The following FBN3 variants were observed in gnomAD, a reference collection of about 807,000 sequenced individuals.
FBN3 encodes the protein fibrillin 3.
In FBN3, 234 loss-of-function variants were observed where a neutral mutation model predicts 330.1. The observed-to-expected ratio is 0.71, with a 90% CI of 0.64 to 0.79. The LOEUF is 0.79. Ranked by LOEUF, FBN3 falls within the 30% of genes least tolerant of loss-of-function variation. The pLI, the probability that FBN3 is intolerant of heterozygous loss-of-function variation, is 0.00. For missense variants in FBN3, 3,606 were observed against 3,886.9 expected, an observed-to-expected ratio of 0.93 and a Z score of 1.92; for synonymous variants, 1,458 against 1,517.3, an observed-to-expected ratio of 0.96 and a Z score of 0.91.
chr19:8,074,410 C>T (rs2081592162), intron 61 of FBN3, among the ~76,000 whole-genome samples: 1 of 152,028 alleles, frequency 6.6e-6, no homozygotes, highest in Non-Finnish European at 1.5e-5. Context: ...GCAGGGATAG[C>T]CACATCACAA....
chr19:8,091,601 A>G lies in FBN3; in HGVS notation c.5906-11T>C, dbSNP rs369029724. 7.4e-6 allele frequency: 12 copies of G among 1,613,618 alleles called. No homozygotes were observed. The highest frequency in any genetic ancestry group is 2.2e-5 in the East Asian group (1 of 44,882). On this transcript the variant is annotated splice_polypyrimidine_tract_variant and intron_variant, in intron 47 of 63. Transcript: ENST00000600128. ...AGCACTCGTCGATATCTGGAAGGGC[A>G]GGGACATGAGCTGGGTGGGGGGCAA...
chr19:8,130,659 G>GAAAAGAAAAGAAAA (rs2083121374), intron 16 of FBN3, among the ~76,000 whole-genome samples: 1 of 37,262 alleles, frequency 2.7e-5, no homozygotes, highest in African/African-American at 1.4e-4. Flanking sequence ...GGAAAGGAAA[G>GAAAAGAAAAGAAAA]GAAAAGAAAA....
Position 8,146,103 on chromosome 19 carries a change from C to A in FBN3, c.349+24G>T, listed in dbSNP as rs751389565. On this transcript the variant is annotated intron_variant, in intron 4 of 63. Coordinates refer to ENST00000600128, the MANE Select transcript of FBN3 (RefSeq NM_032447.5). ...AACCCTGTGAACTTCTTCTCCCTCC[C>A]GCAAGAGGCCGCTTCCCGCTCACCT... The A allele has an allele frequency of 9.0e-6, 14 of 1,561,558 alleles. No individual in the cohort carries two copies. The South Asian group carries it at 1.1e-4, about 12-fold the overall frequency.
At chr19:8,134,643 T>A (rs2083235596) in intron 13 of FBN3, among the ~76,000 whole-genome samples, 1 of 151,932 alleles carries the variant, frequency 6.6e-6, no homozygotes, top group Admixed American at 6.6e-5. Context: ...CACAAAAAAA[T>A]AAATACATGG....
Position 8,124,011 on chromosome 19 carries a change from G to A in FBN3, c.2732-3C>T, listed in dbSNP as rs757023094. On this transcript the variant is annotated splice_region_variant and splice_polypyrimidine_tract_variant and intron_variant, in intron 22 of 63. Transcript: ENST00000600128. Reference sequence around the variant, plus strand: ...GAAACATGGTTCCAATCTCACATCTGCACGGGGGACAGTCACTGCGTCCCC... The same window carrying A: ...GAAACATGGTTCCAATCTCACATCTACACGGGGGACAGTCACTGCGTCCCC... 22 of 1,611,534 alleles carry A rather than the reference G, an allele frequency of 1.4e-5. No individual in the cohort carries two copies. Among genetic ancestry groups the A allele is most frequent in the East Asian group, 2.2e-5 (1 of 44,790 alleles).
At chr19:8,100,598 A>G (rs527777090) in intron 41 of FBN3, among the ~76,000 whole-genome samples, 2 of 152,326 alleles carry the variant, frequency 1.3e-5, no homozygotes, top group Non-Finnish European at 2.9e-5. Context: ...TCGGCCTCCC[A>G]AAGTGCTGGG....
At chr19:8,125,332 T>A (rs142057068) in intron 22 of FBN3, among the ~76,000 whole-genome samples, 3 of 152,096 alleles carry the variant, frequency 2.0e-5, no homozygotes, top group African/African-American at 7.2e-5. Flanking sequence ...AAAAATCAGT[T>A]GAACCCAGGA....
At chr19:8,073,385 G>T in intron 61 of FBN3, 88 bp from the exon 62 acceptor site, 1 of 1,096,120 alleles carries the variant, frequency 9.1e-7, no homozygotes, top group Non-Finnish European at 1.3e-6. Context: ...CTGGAATGCT[G>T]TATGTTCAGA....
chr19:8,140,793 C>T (rs1267430101), intron 8 of FBN3, among the ~76,000 whole-genome samples: 2 of 152,078 alleles, frequency 1.3e-5, no homozygotes, highest in Admixed American at 1.3e-4. Context: ...AATCCAAGGA[C>T]TGGTCTTTAG....
chr19:8,108,211 C>T lies in FBN3; in HGVS notation c.4646G>A (p.Gly1549Asp). The change falls in exon 37 of 64, where the codon GGT (glycine) becomes GAT (aspartate). Residue 1549 changes from glycine (G) to aspartate (D), a missense_variant. Transcript: ENST00000600128. ...TTEYRTLCPG[G>D]EGFQPNRITV... ...GATGCGGTTAGGCTGGAAGCCCTCA[C>T]CACCCGGGCACAGGGTTCTGTACTC... 2 of 1,612,986 alleles carry T rather than the reference C, an allele frequency of 1.2e-6. No individual in the cohort carries two copies. Among genetic ancestry groups the T allele is most frequent in the South Asian group, 1.1e-5 (1 of 90,878 alleles).
chr19:8,129,057 T>G lies in FBN3; in HGVS notation c.2267A>C (p.His756Pro), dbSNP rs769282407. 1 of 1,612,820 alleles carries G rather than the reference T, an allele frequency of 6.2e-7. No homozygotes were observed. The highest frequency in any genetic ancestry group is 2.2e-5 in the East Asian group (1 of 44,700). The change falls in exon 18 of 64, where the codon CAC (histidine) becomes CCC (proline). Residue 756 changes from histidine (H) to proline (P), a missense_variant. By Grantham distance (77) the His-to-Pro change is moderately conservative (BLOSUM62 -2). Coordinates refer to ENST00000600128, the MANE Select transcript of FBN3 (RefSeq NM_032447.5). This position sits in a 1 kb window ranked among gnomAD's most constrained non-coding sequence, Gnocchi z 4.5. ...SYSCSCPPGF[H>P]FWQDTEICKD... The stretch of plus-strand genomic sequence containing the variant: ...GCAGATCTCCGTGTCCTGCCAGAAG[T>G]GGAAGCCGGGGGGGCAGGAGCAGCT...
chr19:8,141,094 C>T (rs2145036255), intron 8 of FBN3, among the ~76,000 whole-genome samples: 1 of 149,172 alleles, frequency 6.7e-6, no homozygotes, highest in Middle Eastern at 3.5e-3. Flanking sequence ...ACTCGGGAGG[C>T]TGAGGCAGGG....
At chr19:8,122,952 C>T (rs1174400899) in intron 24 of FBN3, among the ~76,000 whole-genome samples, 2 of 151,834 alleles carry the variant, frequency 1.3e-5, no homozygotes, top group Non-Finnish European at 2.9e-5. Context: ...TGTGAGCCAC[C>T]GCGCCCAGCC....
chr19:8,094,587 G>T (rs1301212119), intron 46 of FBN3, 22 bp from the exon 47 acceptor site: 36 of 1,606,724 alleles, frequency 2.2e-5, no homozygotes, highest in Non-Finnish European at 2.7e-5. Flanking sequence ...AGGAAGAAAG[G>T]TCCTTGTGCC....
At chr19:8,093,406 G>A (rs534438663) in intron 47 of FBN3, among the ~76,000 whole-genome samples, 1 of 152,100 alleles carries the variant, frequency 6.6e-6, no homozygotes, top group Non-Finnish European at 1.5e-5. Context: ...GGCAGATCAC[G>A]AGGTCAGGAG....
chr19:8,073,091 G>A lies in FBN3; in HGVS notation c.7909C>T (p.Pro2637Ser). ...TGCCCAGCCCGGAAGTAGCCTTGAG[G>A]ACAGCCGCACAGGAAGCCACCAGGC... is the stretch of plus-strand genomic sequence containing the variant. ...NTPGGFLCGC[P>S]QGYFRAGQGH... The change falls in exon 62 of 64, where the codon CCT (proline) becomes TCT (serine). Residue 2637 changes from proline to serine, a missense_variant. Transcript: ENST00000600128. The A allele has an allele frequency of 6.2e-7, 1 of 1,612,604 alleles. No homozygotes were observed. Among genetic ancestry groups the A allele is most frequent in the Non-Finnish European group, 8.5e-7 (1 of 1,179,214 alleles).
At chr19:8,145,373 CAAAAAAAAAAAAAA>C (rs55926242) in intron 5 of FBN3, among the ~76,000 whole-genome samples, 3 of 86,350 alleles carry the variant, frequency 3.5e-5, no homozygotes, top group Non-Finnish European at 2.1e-5. Context: ...AACTCCATCT[CAAAAAAAAAAAAAA>C]AAAAAAAAAA....
chr19:8,082,426 TTCTC>T (rs959823798), intron 57 of FBN3, among the ~76,000 whole-genome samples: 6 of 150,614 alleles, frequency 4.0e-5, no homozygotes, highest in South Asian at 2.1e-4. Flanking sequence ...CTTTGTTTCT[TTCTC>T]TCTCTCTCTC....
At position 8,123,936 on chromosome 19, in the gene FBN3, CG is replaced by C; in HGVS notation, c.2803del (p.Arg935GlyfsTer53). 1 of 1,614,112 alleles carries C rather than the reference CG, an allele frequency of 6.2e-7. No homozygotes were observed. On this transcript the variant is annotated frameshift_variant, in exon 23 of 64. Transcript: ENST00000600128. LOFTEE classifies it high-confidence loss of function. ...ECGVTLPGKYRMDVCCCSIGA... is the reference protein window; with the variant it reads ...ECGVTLPGKYXMDVCCCSIGA... Reference sequence around the variant, plus strand: ...GATGGAGCAGCAGCAGACGTCCATCCGGTACTTGCCAGGCAGGGTGACCCCA... The same window carrying C: ...GATGGAGCAGCAGCAGACGTCCATCCGTACTTGCCAGGCAGGGTGACCCCA...
Sources: allele counts gnomAD v4.1 joint callset (sites outside exome capture counted in the v4.1 genomes callset), GRCh38; gene constraint gnomAD v4.1.1; non-coding constraint Gnocchi (gnomAD v3.1); transcripts MANE v1.5; gene names NCBI Gene and HGNC (gene_info 2026-07-23, HGNC 2026-07-21).